The following BCL2 variants were observed in gnomAD, a reference collection of about 807,000 sequenced individuals.
BCL2 encodes apoptosis regulator Bcl-2.
In BCL2, 1 loss-of-function variant was observed where a neutral mutation model predicts 14.2. The ratio of observed to expected loss-of-function variants is 0.07; its 90% confidence interval spans 0.02 to 0.33. The LOEUF (loss-of-function observed/expected upper bound fraction) is 0.33, where lower values mean the gene tolerates loss of function less well. Among genes scored for constraint, BCL2 ranks in the 10% least tolerant of loss-of-function variants. The probability of loss-of-function intolerance (pLI) is 0.99; values close to 1 mark genes in which losing one functional copy is unlikely to be tolerated. For synonymous variants in BCL2, 151 were observed against 137.2 expected (o/e 1.10, Z -0.70); for missense variants, 247 against 305.9 (o/e 0.81, Z 1.44).
intron 2 of BCL2, among the ~76,000 whole-genome samples, chr18:63,302,092 C>T (rs1912976352): frequency 6.6e-6 from 1 of 151,806 alleles, no homozygotes; most frequent in Non-Finnish European, 1.5e-5. Context: ...GGGAGGGAGG[C>T]CGAGGCAGGT....
chr18:63,129,670 A>G (rs193063867), intron 2 of BCL2, among the ~76,000 whole-genome samples: 249 of 152,340 alleles, frequency 1.6e-3, no homozygotes, highest in African/African-American at 5.7e-3. Flanking sequence ...AGACTTTTTA[A>G]CAAGTGGCAG....
In BCL2 at chr18:63,127,841, C is replaced by T. The variant is rs1016860; in HGVS notation, c.*784G>A. The T allele has an allele frequency of 0.13, 28,541 of 224,522 alleles. 2,331 individuals are homozygous for T. Among genetic ancestry groups the T allele is most frequent in the African/African-American group, 0.25 (11,251 of 44,834 alleles). 13.9% of individuals were successfully genotyped at this position (224,522 alleles called of 1,614,324 possible). On this transcript the variant is annotated 3_prime_UTR_variant, in exon 3 of 3. Transcript: ENST00000333681. ...AATATATGAATATACACAATCAGGG[C>T]TTAAGGTACTGGATGATATTGTATA...
intron 2 of BCL2, among the ~76,000 whole-genome samples, chr18:63,272,474 G>A (rs980404243): frequency 2.0e-5 from 3 of 151,934 alleles, no homozygotes; most frequent in Non-Finnish European, 2.9e-5. Context: ...AAAAAACTTC[G>A]GGTAAACATC....
At chr18:63,166,159 C>A (rs1278883910) in intron 2 of BCL2, among the ~76,000 whole-genome samples, 1 of 152,156 alleles carries the variant, frequency 6.6e-6, no homozygotes, top group Admixed American at 6.5e-5. Context: ...ATAGACTGCC[C>A]AGTCCCATGC....
chr18:63,212,144 G>A (rs1017124904), intron 2 of BCL2, among the ~76,000 whole-genome samples: 1 of 151,690 alleles, frequency 6.6e-6, no homozygotes, highest in Non-Finnish European at 1.5e-5. Flanking sequence ...TGGCCAACAT[G>A]GTGAAACCCC....
At chr18:63,231,818 T>G (rs1027824346) in intron 2 of BCL2, among the ~76,000 whole-genome samples, 2 of 152,092 alleles carry the variant, frequency 1.3e-5, no homozygotes, top group Admixed American at 1.3e-4. Context: ...AGAAAGGTTT[T>G]CTTCATGGAT....
intron 2 of BCL2, among the ~76,000 whole-genome samples, chr18:63,307,023 TA>T (rs1913162371): frequency 6.6e-6 from 1 of 152,126 alleles, no homozygotes; most frequent in Non-Finnish European, 1.5e-5. Context: ...CCTGGCTCAA[TA>T]TTTTTTTAAA....
chr18:63,211,014 A>G (rs1298405548), intron 2 of BCL2, among the ~76,000 whole-genome samples: 1 of 125,682 alleles, frequency 8.0e-6, no homozygotes, highest in African/African-American at 3.1e-5. Context: ...GAATCTGTCC[A>G]TTTGTCCTTT....
At chr18:63,190,745 G>A (rs1220540334) in intron 2 of BCL2, among the ~76,000 whole-genome samples, 1 of 151,952 alleles carries the variant, frequency 6.6e-6, no homozygotes, top group Non-Finnish European at 1.5e-5. Context: ...ACCATGTACA[G>A]GCTTGTGACA....
chr18:63,169,196 G>A (rs1915121983), intron 2 of BCL2, among the ~76,000 whole-genome samples: 1 of 151,594 alleles, frequency 6.6e-6, no homozygotes, highest in African/African-American at 2.4e-5. Context: ...AGAAACAACA[G>A]GCCCTTGTTT....
intron 2 of BCL2, among the ~76,000 whole-genome samples, chr18:63,250,452 G>C (rs1422414034): frequency 1.3e-5 from 2 of 152,202 alleles, no homozygotes; most frequent in East Asian, 3.9e-4. Flanking sequence ...ATTTTTGATG[G>C]TTGGTTATTT....
intron 2 of BCL2, among the ~76,000 whole-genome samples, chr18:63,312,786 C>T (rs1568266875): frequency 6.6e-6 from 1 of 152,186 alleles, no homozygotes; most frequent in East Asian, 1.9e-4. Flanking sequence ...TTACCCTGTT[C>T]CAGTCAGTCT....
chr18:63,129,031 GCTTCC>G (rs1312687697), intron 2 of BCL2, among the ~76,000 whole-genome samples: 2 of 152,162 alleles, frequency 1.3e-5, no homozygotes, highest in Non-Finnish European at 2.9e-5. Context: ...ACTTCACGAA[GCTTCC>G]ATTGAGTGGA....
At chr18:63,271,443 G>C (rs1409577514) in intron 2 of BCL2, among the ~76,000 whole-genome samples, 1 of 152,170 alleles carries the variant, frequency 6.6e-6, no homozygotes, top group Non-Finnish European at 1.5e-5. Context: ...AGGTATTGGA[G>C]AGCAAGAAAG....
At chr18:63,201,601 G>A (rs1238214151) in intron 2 of BCL2, among the ~76,000 whole-genome samples, 2 of 152,188 alleles carry the variant, frequency 1.3e-5, no homozygotes, top group Non-Finnish European at 2.9e-5. Flanking sequence ...TAATAGACTG[G>A]ATAAAGAAAC....
In BCL2 at chr18:63,140,265, T is replaced by A. The variant is rs147259108; in HGVS notation, c.586-11506A>T. Reference sequence around the variant, plus strand: ...TGATTCCTCAAAGAGTTAAACAGAGTCACCACATGACCCAGCAATTCAACT... The same window carrying A: ...TGATTCCTCAAAGAGTTAAACAGAGACACCACATGACCCAGCAATTCAACT... On this transcript the variant is annotated intron_variant, in intron 2 of 2. Transcript: ENST00000333681. Among the ~76,000 whole-genome samples the A allele has an allele frequency of 1.7e-3, 259 of 152,144 alleles. 1 individual carries two copies. The highest frequency in any genetic ancestry group is 5.9e-3 in the African/African-American group (243 of 41,480).
At chr18:63,147,919 A>G (rs73467802) in intron 2 of BCL2, among the ~76,000 whole-genome samples, 14,502 of 152,152 alleles carry the variant, frequency 0.095, 1,457 homozygotes, top group African/African-American at 0.26. Flanking sequence ...TATTTCTTGT[A>G]TCTCCTAGAA....
Position 63,318,986 on chromosome 18 carries a change from A to G in BCL2, c.-286-34T>C, listed in dbSNP as rs987366604. On this transcript the variant is annotated intron_variant, in intron 1 of 2. Transcript: ENST00000333681. The surrounding 1 kb of genome is among the most constrained non-coding windows in gnomAD (Gnocchi z 7.4). ...TTAAAGAAAAAACAAACTAATAAGT[A>G]AAAAATCAGGTGCGTTTCCCTGTAC... The G allele has an allele frequency of 1.6e-6, 2 of 1,250,854 alleles. No individual in the cohort carries two copies. 77.5% of individuals were successfully genotyped at this position (1,250,854 alleles called of 1,614,324 possible).
chr18:63,250,956 A>G (rs1314992627), intron 2 of BCL2, among the ~76,000 whole-genome samples: 1 of 152,180 alleles, frequency 6.6e-6, no homozygotes, highest in African/African-American at 2.4e-5. Context: ...TTTTAATTTT[A>G]GTATTTAAAA....
Sources: allele counts gnomAD v4.1 joint callset (sites outside exome capture counted in the v4.1 genomes callset), GRCh38; gene constraint gnomAD v4.1.1; non-coding constraint Gnocchi (gnomAD v3.1); transcripts MANE v1.5; gene names NCBI Gene and HGNC (gene_info 2026-07-23, HGNC 2026-07-21).